The following ATP6AP2 variants were observed in gnomAD, a reference collection of about 807,000 sequenced individuals.
The protein encoded by ATP6AP2 is ATPase H+ transporting accessory protein 2.
ATP6AP2 carries 1 observed loss-of-function variant against 23.4 expected under a neutral mutation model. That is an observed-to-expected ratio of 0.04 (90% CI 0.02 to 0.20). The LOEUF is 0.20. ATP6AP2 is among the 10% of genes least tolerant of loss of function. The pLI, the probability that ATP6AP2 is intolerant of heterozygous loss-of-function variation, is 1.00. For synonymous variants in ATP6AP2, 90 were observed against 97.1 expected (o/e 0.93, Z 0.43); for missense variants, 174 against 271.3 (o/e 0.64, Z 2.52).
intron 1 of ATP6AP2, among the ~76,000 whole-genome samples, chrX:40,585,797 G>A (rs1185256985): frequency 9.0e-6 from 1 of 111,047 alleles, no homozygotes; most frequent in Non-Finnish European, 1.9e-5. Context: ...TGGAGGTTGC[G>A]GTGAGCTGAG....
chrX:40,599,053 A>G, intron 6 of ATP6AP2: 1 of 291,396 alleles, frequency 3.4e-6, no homozygotes, highest in Non-Finnish European at 6.0e-6. Context: ...CTTTGGGCCT[A>G]AAATAGAAAT....
chrX:40,583,688 C>T (rs921684656), intron 1 of ATP6AP2, among the ~76,000 whole-genome samples: 4 of 111,673 alleles, frequency 3.6e-5, no homozygotes, highest in African/African-American at 1.3e-4. Flanking sequence ...TCATAAGGCA[C>T]CCAATTCTAG....
Position 40,597,277 on chromosome X carries a change from C to G in ATP6AP2, c.329C>G (p.Ala110Gly), listed in dbSNP as rs1926796456. ...NAVPFSLDSVANSIHSLFSEE... is the reference protein window; with the variant it reads ...NAVPFSLDSVGNSIHSLFSEE... ...GTTCCTTTTAGTCTTGACAGTGTTG[C>G]AAATTCCATTCACTCCTTATTTTCT... Residue 110 changes from alanine (A) to glycine (G), a missense_variant, in exon 4 of 9, where the codon GCA becomes GGA. Coordinates refer to ENST00000636580, the MANE Select transcript of ATP6AP2 (RefSeq NM_005765.3). 1 of 1,207,037 alleles carries G rather than the reference C, an allele frequency of 8.3e-7. No individual in the cohort carries two copies. The highest frequency in any genetic ancestry group is 1.7e-5 in the African/African-American group (1 of 57,271).
At position 40,602,275 on chromosome X, in the gene ATP6AP2, C is replaced by T. The variant is rs184757172; in HGVS notation, c.858+1394C>T. ...CTAGCCTGGGAGACACAGCAAGACTCCGTCTCAAATAAAAAAAAAATTACA... is the reference window on the plus strand; with the variant it reads ...CTAGCCTGGGAGACACAGCAAGACTTCGTCTCAAATAAAAAAAAAATTACA... On this transcript the variant is annotated intron_variant, in intron 8 of 8. Transcript: ENST00000636580. Among the ~76,000 whole-genome samples the T allele has an allele frequency of 8.8e-3, 869 of 98,762 alleles. 36 individuals are homozygous for T. The highest frequency in any genetic ancestry group is 0.02 in the Middle Eastern group (4 of 205). 85.8% of individuals were successfully genotyped at this position (98,762 alleles called of 115,157 possible). A position where few individuals can be genotyped will look rare whatever the true frequency, so the allele number is the denominator to read the frequency against.
chrX:40,599,589 A>G lies in ATP6AP2; in HGVS notation c.589-3A>G, dbSNP rs370220088. 9.1e-6 allele frequency: 11 copies of G among 1,210,434 alleles called. No individual in the cohort carries two copies. The highest frequency in any genetic ancestry group is 1.7e-5 in the African/African-American group (1 of 57,595). ...CCTTTTTTTGTTTGTTTGTTCTCCT[A>G]AGCTGTCTCGTCATAAGCATCTAGC... On this transcript the variant is annotated splice_polypyrimidine_tract_variant and splice_region_variant and intron_variant, in intron 6 of 8. Coordinates refer to ENST00000636580, the MANE Select transcript of ATP6AP2 (RefSeq NM_005765.3).
At chrX:40,589,360 C>A in intron 2 of ATP6AP2, 1 of 313,109 alleles carries the variant, frequency 3.2e-6, no homozygotes. Flanking sequence ...TAGTGAGACT[C>A]CCATCTCAAA....
intron 3 of ATP6AP2, 155 bp downstream of exon 3, chrX:40,591,520 A>G: frequency 1.5e-6 from 1 of 660,539 alleles, no homozygotes; most frequent in Non-Finnish European, 2.3e-6. Flanking sequence ...TTTTTAAGAA[A>G]ATTACATGAT....
chrX:40,584,364 C>CTTTTTTTTT (rs35576735), intron 1 of ATP6AP2, among the ~76,000 whole-genome samples: 1 of 87,302 alleles, frequency 1.1e-5, no homozygotes, highest in Non-Finnish European at 2.3e-5. Context: ...CAGCCTCTAT[C>CTTTTTTTTT]TTTTTTTTTT....
chrX:40,599,721 C>T lies in ATP6AP2; in HGVS notation c.718C>T (p.Leu240Phe). Residue 240 changes from leucine (L) to phenylalanine (F), a missense_variant, in exon 7 of 9, where the codon CTT becomes TTT. Coordinates refer to ENST00000636580, the MANE Select transcript of ATP6AP2 (RefSeq NM_005765.3). Reference protein sequence around the residue: ...SEQFRDASKILVDALQKFADD... With the variant: ...SEQFRDASKIFVDALQKFADD... ...ACAATTCAGAGATGCTTCTAAGATC[C>T]TTGTTGACGCTCTGCAAAAGGTAAA... is the stretch of plus-strand genomic sequence containing the variant. 2 of 1,211,019 alleles carry T rather than the reference C, an allele frequency of 1.7e-6. No individual in the cohort carries two copies. The highest frequency in any genetic ancestry group is 3.0e-5 in the East Asian group (1 of 33,808).
intron 1 of ATP6AP2, among the ~76,000 whole-genome samples, chrX:40,585,161 A>G: frequency 8.9e-6 from 1 of 112,695 alleles, no homozygotes; most frequent in South Asian, 3.6e-4. Context: ...CTACACAGGT[A>G]TCTCATCCTT....
At chrX:40,581,214 C>G in intron 1 of ATP6AP2, 112 bp downstream of exon 1, 1 of 819,657 alleles carries the variant, frequency 1.2e-6, no homozygotes, top group South Asian at 3.3e-5. Flanking sequence ...GCAGTGCGGT[C>G]CGTCAGCGGC....
chrX:40,600,567 A>C (rs930737503), intron 7 of ATP6AP2, 195 bp from the exon 8 acceptor site: 7 of 364,982 alleles, frequency 1.9e-5, no homozygotes, highest in African/African-American at 1.8e-4. Flanking sequence ...TATGTATTTG[A>C]CTCACTGCAT....
intron 2 of ATP6AP2, 21 bp from the exon 3 acceptor site, chrX:40,591,213 T>G: frequency 8.3e-7 from 1 of 1,209,519 alleles, no homozygotes; most frequent in Non-Finnish European, 1.1e-6. Context: ...TAAGCACCGC[T>G]TTGTGCTTTT....
At chrX:40,592,780 C>G (rs1269346241) in intron 3 of ATP6AP2, among the ~76,000 whole-genome samples, 1 of 107,419 alleles carries the variant, frequency 9.3e-6, no homozygotes, top group Non-Finnish European at 1.9e-5. Context: ...TTCAGACTTT[C>G]CTGTGGTCGA....
At chrX:40,604,497 C>T (rs1364210519) in intron 8 of ATP6AP2, among the ~76,000 whole-genome samples, 1 of 111,255 alleles carries the variant, frequency 9.0e-6, no homozygotes, top group Non-Finnish European at 1.9e-5. Context: ...GGGGAAACTG[C>T]CCCCATGATC....
intron 8 of ATP6AP2, chrX:40,605,357 A>C: frequency 2.3e-6 from 1 of 432,650 alleles, no homozygotes; most frequent in Non-Finnish European, 4.0e-6. Context: ...TTTCCCAAGC[A>C]TTTGGACTGG....
intron 1 of ATP6AP2, among the ~76,000 whole-genome samples, chrX:40,584,095 G>A (rs1406563776): frequency 9.0e-6 from 1 of 111,476 alleles, no homozygotes; most frequent in African/African-American, 3.3e-5. Context: ...TTTTGTTTTT[G>A]AGACAGGGTC....
At chrX:40,604,350 C>T (rs942783689) in intron 8 of ATP6AP2, among the ~76,000 whole-genome samples, 3 of 111,070 alleles carry the variant, frequency 2.7e-5, no homozygotes, top group Non-Finnish European at 5.7e-5. Flanking sequence ...GCTGGGGAGG[C>T]CTTAGGAAAC....
chrX:40,605,898 T>C lies in ATP6AP2; in HGVS notation c.*143T>C. 1 of 533,729 alleles carries C rather than the reference T, an allele frequency of 1.9e-6. No individual in the cohort carries two copies. Among genetic ancestry groups the C allele is most frequent in the Non-Finnish European group, 3.0e-6 (1 of 332,823 alleles). The allele number at this position is 533,729 out of a possible 1,213,427, so 44.0% of individuals were successfully genotyped here. A position where few individuals can be genotyped will look rare whatever the true frequency, so the allele number is the denominator to read the frequency against. On this transcript the variant is annotated 3_prime_UTR_variant, in exon 9 of 9. Coordinates refer to ENST00000636580, the MANE Select transcript of ATP6AP2 (RefSeq NM_005765.3). Reference sequence around the variant, plus strand: ...TTTTGTTCTTTATTTTGTGTGTGCCTGTGATGTTTTTCTAGAGTGAATTAT... The same window carrying C: ...TTTTGTTCTTTATTTTGTGTGTGCCCGTGATGTTTTTCTAGAGTGAATTAT...
Sources: allele counts gnomAD v4.1 joint callset (sites outside exome capture counted in the v4.1 genomes callset), GRCh38; gene constraint gnomAD v4.1.1; transcripts MANE v1.5; gene names NCBI Gene and HGNC (gene_info 2026-07-23, HGNC 2026-07-21).